PCDHGA10: variants seen among roughly 807,000 people sequenced by gnomAD.
PCDHGA10 encodes the protein protocadherin gamma-A10.
A neutral mutation model predicts 59.5 loss-of-function variants in PCDHGA10; 42 were observed. The observed-to-expected ratio is 0.71, with a 90% CI of 0.55 to 0.91. The LOEUF is 0.91. Among genes scored for constraint, PCDHGA10 ranks in the 40% least tolerant of loss-of-function variants. The probability of loss-of-function intolerance (pLI) is 0.00; values close to 1 mark genes in which losing one functional copy is unlikely to be tolerated. For synonymous variants in PCDHGA10, 511 were observed against 517.2 expected, an observed-to-expected ratio of 0.99 and a Z score of 0.16; for missense variants, 1,111 against 1,198.2, an observed-to-expected ratio of 0.93 and a Z score of 1.07.
At position 141,490,006 on chromosome 5, in the gene PCDHGA10, C is replaced by T; in HGVS notation, c.2437-4801C>T. The stretch of plus-strand genomic sequence containing the variant: ...ACGTGTGGGAATCCCAGAGAATGCA[C>T]CCATTGGTACTCTGCTGCTCCGCCT... On this transcript the variant is annotated intron_variant, in intron 1 of 3. Coordinates refer to ENST00000398610, the MANE Select transcript of PCDHGA10 (RefSeq NM_018913.3). This position sits in a 1 kb window ranked among gnomAD's most constrained non-coding sequence, Gnocchi z 5.4. 2 of 1,614,222 alleles carry T rather than the reference C, an allele frequency of 1.2e-6. No homozygotes were observed. The highest frequency in any genetic ancestry group is 1.7e-6 in the Non-Finnish European group (2 of 1,180,010).
At position 141,477,210 on chromosome 5, in the gene PCDHGA10, C is replaced by G. The variant is rs780852225; in HGVS notation, c.2437-17597C>G. 1.2e-6 allele frequency: 2 copies of G among 1,614,142 alleles called. No individual in the cohort carries two copies. The highest frequency in any genetic ancestry group is 1.7e-6 in the Non-Finnish European group (2 of 1,180,030). On this transcript the variant is annotated intron_variant, in intron 1 of 3. Coordinates refer to ENST00000398610, the MANE Select transcript of PCDHGA10 (RefSeq NM_018913.3). The surrounding 1 kb of genome is among the most constrained non-coding windows in gnomAD (Gnocchi z 4.9). ...GTGTACAGCCCAGTACCCGAGGATG[C>G]CCCTCTGGGGACTGTCATCGCTTTG...
intron 1 of PCDHGA10, among the ~76,000 whole-genome samples, chr5:141,420,868 G>C (rs1479734969): frequency 6.6e-6 from 1 of 152,222 alleles, no homozygotes; most frequent in Non-Finnish European, 1.5e-5. Context: ...GTCACATAAT[G>C]TAAGTATTGT....
chr5:141,462,009 G>A (rs2099028674), intron 1 of PCDHGA10, among the ~76,000 whole-genome samples: 1 of 152,190 alleles, frequency 6.6e-6, no homozygotes, highest in Admixed American at 6.5e-5. Context: ...TTTTAATAGA[G>A]ACGGGGTTTC....
chr5:141,421,051 A>G (rs1330155141), intron 1 of PCDHGA10: 8 of 559,830 alleles, frequency 1.4e-5, no homozygotes, highest in South Asian at 2.6e-5. Flanking sequence ...CCCCGCCTCT[A>G]CCACACAAAG....
intron 1 of PCDHGA10, among the ~76,000 whole-genome samples, chr5:141,488,541 T>C (rs2099676694): frequency 6.6e-6 from 1 of 152,184 alleles, no homozygotes; most frequent in South Asian, 2.1e-4. Flanking sequence ...CTAAGTCCCA[T>C]GTCAGCTGAC....
chr5:141,489,112 A>C lies in PCDHGA10; in HGVS notation c.2437-5695A>C. 3 of 412,420 alleles carry C rather than the reference A, an allele frequency of 7.3e-6. No individual in the cohort carries two copies. Among genetic ancestry groups the C allele is most frequent in the South Asian group, 4.2e-5 (1 of 23,838 alleles). The allele number at this position is 412,420 out of a possible 1,614,324, so 25.5% of individuals were successfully genotyped here. ...TGACTAAGAACTGCTGCAAGCAGGC[A>C]AACCTCCGAGCAGTTTTTAAGAGGC... is the stretch of plus-strand genomic sequence containing the variant. On this transcript the variant is annotated intron_variant, in intron 1 of 3. Coordinates refer to ENST00000398610, the MANE Select transcript of PCDHGA10 (RefSeq NM_018913.3). The surrounding 1 kb of genome is among the most constrained non-coding windows in gnomAD (Gnocchi z 4.5).
At chr5:141,421,044 C>T (rs556562994) in intron 1 of PCDHGA10, 3 of 548,494 alleles carry the variant, frequency 5.5e-6, no homozygotes, top group African/African-American at 1.9e-5. Context: ...CTCCCTCCCC[C>T]GCCTCTACCA....
chr5:141,511,028 T>C lies in PCDHGA10; in HGVS notation c.2666T>C (p.Leu889Pro). ...GCCCGCTACGGACCCCAGTTCACCC[T>C]GCAGCACGTGCCCGACTACCGCCAG... ...LSARYGPQFTLQHVPDYRQNV... is the reference protein window; with the variant it reads ...LSARYGPQFTPQHVPDYRQNV... The change falls in exon 4 of 4, where the codon CTG becomes CCG. Residue 889 changes from leucine (L) to proline (P), a missense_variant. Leu to Pro is a moderately conservative substitution (Grantham distance 98, BLOSUM62 -3). Transcript: ENST00000398610. 1 of 1,614,202 alleles carries C rather than the reference T, an allele frequency of 6.2e-7. No homozygotes were observed. Among genetic ancestry groups the C allele is most frequent in the Non-Finnish European group, 8.5e-7 (1 of 1,180,028 alleles).
Position 141,432,075 on chromosome 5 carries a change from C to T in PCDHGA10, c.2436+16464C>T. On this transcript the variant is annotated intron_variant, in intron 1 of 3. Transcript: ENST00000398610. The surrounding 1 kb of genome is among the most constrained non-coding windows in gnomAD (Gnocchi z 6.0). ...CCCCTATCCACGGAAACTCATATCT[C>T]GCTGAACGTGGCAGACACCAACGAC... 3 of 1,614,204 alleles carry T rather than the reference C, an allele frequency of 1.9e-6. No homozygotes were observed. Among genetic ancestry groups the T allele is most frequent in the Non-Finnish European group, 2.5e-6 (3 of 1,180,046 alleles).
At position 141,490,207 on chromosome 5, in the gene PCDHGA10, C is replaced by G. The variant is rs142098675; in HGVS notation, c.2437-4600C>G. ...TTTCTATGAAATTCATGCAAGAGCC[C>G]GTGACCAGGGACAGCCTGCCATGGA... On this transcript the variant is annotated intron_variant, in intron 1 of 3. Coordinates refer to ENST00000398610, the MANE Select transcript of PCDHGA10 (RefSeq NM_018913.3). This position sits in a 1 kb window ranked among gnomAD's most constrained non-coding sequence, Gnocchi z 5.4. 2.9e-4 allele frequency: 470 copies of G among 1,614,056 alleles called. 1 individual carries two copies. Among genetic ancestry groups the G allele is most frequent in the Non-Finnish European group, 3.7e-4 (439 of 1,180,030 alleles).
At chr5:141,460,034 C>T (rs1463167810) in intron 1 of PCDHGA10, among the ~76,000 whole-genome samples, 1 of 152,116 alleles carries the variant, frequency 6.6e-6, no homozygotes, top group African/African-American at 2.4e-5. Context: ...GCCGAGACTG[C>T]ACCACTGCAC....
At chr5:141,426,933 G>A (rs1294433096) in intron 1 of PCDHGA10, 1 of 456,660 alleles carries the variant, frequency 2.2e-6, no homozygotes, top group Non-Finnish European at 4.4e-6. Context: ...GGACATGGGT[G>A]ACCCAGTCCC....
Position 141,512,559 on chromosome 5 carries a change from C to T in PCDHGA10, c.*1386C>T, listed in dbSNP as rs1396321304. The T allele has an allele frequency of 6.5e-6, 1 of 152,904 alleles. No individual in the cohort carries two copies. The highest frequency in any genetic ancestry group is 1.5e-5 in the Non-Finnish European group (1 of 68,438). The allele number at this position is 152,904 out of a possible 1,614,324, so 9.5% of individuals were successfully genotyped here. ...CCCCAGTGCCTCCTTGTGCATAGAC[C>T]TTCTTCTCCCACCCCCTTCTGCCCC... On this transcript the variant is annotated 3_prime_UTR_variant, in exon 4 of 4. Coordinates refer to ENST00000398610, the MANE Select transcript of PCDHGA10 (RefSeq NM_018913.3).
chr5:141,426,802 C>G (rs2096961440), intron 1 of PCDHGA10: 1 of 456,696 alleles, frequency 2.2e-6, no homozygotes, highest in South Asian at 1.5e-5. Flanking sequence ...CAGCTCAGTT[C>G]TAATGAACAT....
Position 141,489,748 on chromosome 5 carries a change from T to G in PCDHGA10, c.2437-5059T>G. 6.2e-7 allele frequency: 1 copy of G among 1,614,156 alleles called. No homozygotes were observed. Among genetic ancestry groups the G allele is most frequent in the African/African-American group, 1.3e-5 (1 of 75,054 alleles). On this transcript the variant is annotated intron_variant, in intron 1 of 3. Transcript: ENST00000398610. This position sits in a 1 kb window ranked among gnomAD's most constrained non-coding sequence, Gnocchi z 4.5. ...TGTGGGCACCAATACTGTGAGCTTTTACACTCTAAGCCCCAACAGCCACTT... is the reference window on the plus strand; with the variant it reads ...TGTGGGCACCAATACTGTGAGCTTTGACACTCTAAGCCCCAACAGCCACTT...
chr5:141,419,259 C>G, intron 1 of PCDHGA10: 4 of 1,614,016 alleles, frequency 2.5e-6, no homozygotes, highest in Non-Finnish European at 2.5e-6. Context: ...AACAACCAGC[C>G]GGGTGCCTCC....
Position 141,485,633 on chromosome 5 carries a change from T to C in PCDHGA10, c.2437-9174T>C. 2 of 1,611,808 alleles carry C rather than the reference T, an allele frequency of 1.2e-6. No homozygotes were observed. Among genetic ancestry groups the C allele is most frequent in the South Asian group, 1.1e-5 (1 of 90,962 alleles). On this transcript the variant is annotated intron_variant, in intron 1 of 3. Coordinates refer to ENST00000398610, the MANE Select transcript of PCDHGA10 (RefSeq NM_018913.3). The surrounding 1 kb of genome is among the most constrained non-coding windows in gnomAD (Gnocchi z 5.7). Reference sequence around the variant, plus strand: ...AGCTCCTCCAGGACAGCGTTTCCCGTTGGAAAAGGCTCAGGATGCAGATGT... The same window carrying C: ...AGCTCCTCCAGGACAGCGTTTCCCGCTGGAAAAGGCTCAGGATGCAGATGT...
rs1186240180 is a variant in PCDHGA10, at chr5:141,432,270, A to T, written c.2436+16659A>T. On this transcript the variant is annotated intron_variant, in intron 1 of 3. Transcript: ENST00000398610. The surrounding 1 kb of genome is among the most constrained non-coding windows in gnomAD (Gnocchi z 6.0). ...ATCCAAGGGGCAAGCCTATCGTCCT[A>T]CGTGTCCATCAACTCCGACACTGGG... 1 of 1,614,024 alleles carries T rather than the reference A, an allele frequency of 6.2e-7. No homozygotes were observed. The highest frequency in any genetic ancestry group is 8.5e-7 in the Non-Finnish European group (1 of 1,180,028).
intron 1 of PCDHGA10, chr5:141,427,468 C>T: frequency 2.0e-6 from 1 of 509,312 alleles, no homozygotes; most frequent in Middle Eastern, 3.0e-4. Flanking sequence ...ATCGAATCTT[C>T]CGCCAATAAT....
Sources: allele counts gnomAD v4.1 joint callset (sites outside exome capture counted in the v4.1 genomes callset), GRCh38; gene constraint gnomAD v4.1.1; non-coding constraint Gnocchi (gnomAD v3.1); transcripts MANE v1.5; gene names NCBI Gene and HGNC (gene_info 2026-07-23, HGNC 2026-07-21).